Variants in GUCY1A2 observed in about 807,000 individuals in gnomAD.
GUCY1A2 encodes guanylate cyclase soluble subunit alpha-2.
Under a neutral mutation model 63.5 loss-of-function variants are expected in GUCY1A2, and 27 were observed. The ratio of observed to expected loss-of-function variants is 0.43; its 90% CI spans 0.31 to 0.59. The LOEUF (loss-of-function observed/expected upper bound fraction) is 0.59, where lower values mean the gene tolerates loss of function less well. GUCY1A2 is among the 20% of genes least tolerant of loss of function. The pLI is 0.11. For synonymous variants in GUCY1A2, 364 were observed against 343.5 expected (o/e 1.06, Z -0.66); for missense variants, 768 against 913.3 (o/e 0.84, Z 2.05).
chr11:106,879,721 C>T (rs1170978382), intron 4 of GUCY1A2, among the ~76,000 whole-genome samples: 2 of 151,994 alleles, frequency 1.3e-5, no homozygotes, highest in African/African-American at 2.4e-5. Context: ...CCTGTATTTC[C>T]ATTATTAATT....
At chr11:106,701,231 A>G (rs1458899987) in intron 7 of GUCY1A2, among the ~76,000 whole-genome samples, 1 of 150,168 alleles carries the variant, frequency 6.7e-6, no homozygotes, top group African/African-American at 2.4e-5. Flanking sequence ...GCAACAGACA[A>G]TTTTTTTTTT....
chr11:106,787,281 T>G (rs1864572246), intron 5 of GUCY1A2, among the ~76,000 whole-genome samples: 1 of 151,596 alleles, frequency 6.6e-6, no homozygotes, highest in South Asian at 2.1e-4. Flanking sequence ...CCATTAACCA[T>G]CCCCACTTCG....
chr11:106,894,199 G>A (rs1448539038), intron 4 of GUCY1A2, among the ~76,000 whole-genome samples: 2 of 152,170 alleles, frequency 1.3e-5, no homozygotes, highest in African/African-American at 4.8e-5. Flanking sequence ...AGTTATCAGG[G>A]ATGAAGAGGG....
intron 4 of GUCY1A2, among the ~76,000 whole-genome samples, chr11:106,924,656 A>G (rs1392174563): frequency 6.6e-6 from 1 of 152,188 alleles, no homozygotes; most frequent in Non-Finnish European, 1.5e-5. Context: ...CGGGAGTCAA[A>G]TAAGATAATA....
Position 106,679,644 on chromosome 11 carries a change from T to C in GUCY1A2, c.*7905A>G, listed in dbSNP as rs1443497929. The C allele has an allele frequency of 4.7e-6, 1 of 213,428 alleles. No individual in the cohort carries two copies. The highest frequency in any genetic ancestry group is 9.5e-6 in the Non-Finnish European group (1 of 105,620). 13.2% of individuals were successfully genotyped at this position (213,428 alleles called of 1,614,324 possible). A position where few individuals can be genotyped will look rare whatever the true frequency, so the allele number is the denominator to read the frequency against. ...TGAATGCTAGCTCAGCCAGGCATGT[T>C]ATAAAAGGAAAAAATATAGTTTGTT... On this transcript the variant is annotated 3_prime_UTR_variant, in exon 8 of 8. Coordinates refer to ENST00000526355, the MANE Select transcript of GUCY1A2 (RefSeq NM_000855.3).
chr11:106,982,779 T>C (rs900517131), intron 2 of GUCY1A2, among the ~76,000 whole-genome samples: 12 of 151,698 alleles, frequency 7.9e-5, no homozygotes, highest in African/African-American at 2.4e-4. Context: ...CAACAGAAGG[T>C]TGAAATGGAG....
chr11:107,013,185 C>T (rs770731232), intron 1 of GUCY1A2, among the ~76,000 whole-genome samples: 10 of 152,152 alleles, frequency 6.6e-5, no homozygotes, highest in Non-Finnish European at 5.9e-5. Context: ...ATTTGCCACT[C>T]CTCCAATTCT....
intron 4 of GUCY1A2, among the ~76,000 whole-genome samples, chr11:106,836,430 C>G (rs1054470534): frequency 1.3e-5 from 2 of 151,922 alleles, no homozygotes; most frequent in Admixed American, 6.6e-5. Flanking sequence ...TGTCTGTTTA[C>G]AAGATGAATC....
intron 3 of GUCY1A2, among the ~76,000 whole-genome samples, chr11:106,941,793 T>C (rs1201135337): frequency 6.6e-6 from 1 of 152,168 alleles, no homozygotes; most frequent in African/African-American, 2.4e-5. Context: ...AGCCAAGAAG[T>C]CAGTTTGACA....
At chr11:106,745,024 A>G (rs1863763103) in intron 6 of GUCY1A2, among the ~76,000 whole-genome samples, 1 of 152,226 alleles carries the variant, frequency 6.6e-6, no homozygotes, top group African/African-American at 2.4e-5. Context: ...AACACTGTTA[A>G]TTATGAAGGA....
intron 6 of GUCY1A2, among the ~76,000 whole-genome samples, chr11:106,758,069 G>C (rs964966373): frequency 5.9e-5 from 9 of 152,154 alleles, no homozygotes; most frequent in Admixed American, 5.9e-4. Flanking sequence ...GGAATCTAGA[G>C]AGGCAGTCAG....
At position 106,921,016 on chromosome 11, in the gene GUCY1A2, C is replaced by G. The variant is rs575960070; in HGVS notation, c.1206+18444G>C. ...TTTTCTTTTTATATTTTATAATCAA[C>G]TCAATATTTGCAACATGAACTAAAG... is the stretch of plus-strand genomic sequence containing the variant. On this transcript the variant is annotated intron_variant, in intron 4 of 7. Coordinates refer to ENST00000526355, the MANE Select transcript of GUCY1A2 (RefSeq NM_000855.3). 7.9e-5 allele frequency among the ~76,000 whole-genome samples: 12 copies of G among 152,104 alleles called. No individual in the cohort carries two copies. The South Asian group carries it at 8.3e-4, about 11-fold the overall frequency.
At chr11:106,868,539 C>A (rs1401914239) in intron 4 of GUCY1A2, among the ~76,000 whole-genome samples, 2 of 152,036 alleles carry the variant, frequency 1.3e-5, no homozygotes, top group African/African-American at 4.8e-5. Flanking sequence ...CCTAGGAATC[C>A]AACTTACAAG....
intron 1 of GUCY1A2, among the ~76,000 whole-genome samples, chr11:106,999,894 G>A (rs1390151239): frequency 6.6e-6 from 1 of 152,206 alleles, no homozygotes; most frequent in African/African-American, 2.4e-5. Flanking sequence ...AAGCTAGATT[G>A]ATGGTAGAAA....
At chr11:106,948,005 T>G (rs934546685) in intron 3 of GUCY1A2, among the ~76,000 whole-genome samples, 8 of 152,040 alleles carry the variant, frequency 5.3e-5, no homozygotes, top group Non-Finnish European at 1.2e-4. Context: ...TTAAGACGAA[T>G]TAGATAAATC....
Position 106,696,243 on chromosome 11 carries a change from T to C in GUCY1A2, c.1992-8487A>G, listed in dbSNP as rs1354497364. 2.6e-5 allele frequency among the ~76,000 whole-genome samples: 4 copies of C among 152,344 alleles called. No homozygotes were observed. In the South Asian group the frequency reaches 6.2e-4, roughly 24 times the overall value. On this transcript the variant is annotated intron_variant, in intron 7 of 7. Transcript: ENST00000526355. ...TTTAACAGCCTAAAAACTCCACTTC[T>C]AGTAAATGTCAAGGAATTTAAACTT...
At chr11:106,743,670 T>G (rs1042921828) in intron 6 of GUCY1A2, among the ~76,000 whole-genome samples, 1 of 152,220 alleles carries the variant, frequency 6.6e-6, no homozygotes, top group Non-Finnish European at 1.5e-5. Flanking sequence ...TTTCTGTATT[T>G]TAATTATGTG....
intron 7 of GUCY1A2, among the ~76,000 whole-genome samples, chr11:106,688,533 G>A (rs539531034): frequency 1.3e-5 from 2 of 152,116 alleles, no homozygotes; most frequent in South Asian, 4.1e-4. Flanking sequence ...CCCAAGAAAA[G>A]CCTCCTAGAC....
At chr11:106,772,347 C>T (rs1035765216) in intron 6 of GUCY1A2, among the ~76,000 whole-genome samples, 5 of 152,080 alleles carry the variant, frequency 3.3e-5, no homozygotes, top group Non-Finnish European at 7.4e-5. Context: ...AAACAGTAAG[C>T]TATCACATAT....
Sources: allele counts gnomAD v4.1 joint callset (sites outside exome capture counted in the v4.1 genomes callset), GRCh38; gene constraint gnomAD v4.1.1; transcripts MANE v1.5; gene names NCBI Gene and HGNC (gene_info 2026-07-23, HGNC 2026-07-21).